Variants in PKD1L3 observed in about 807,000 individuals in gnomAD.
The protein encoded by PKD1L3 is polycystin-1-like protein 3.
Under a neutral mutation model 184.1 loss-of-function variants are expected in PKD1L3, and 239 were observed. The observed-to-expected ratio is 1.30, with a 90% CI of 1.17 to 1.45. The LOEUF (loss-of-function observed/expected upper bound fraction) is 1.45. Ranked by LOEUF, PKD1L3 falls within the 40% of genes most tolerant of loss-of-function variation. PKD1L3 has a pLI of 0.00. For synonymous variants in PKD1L3, 996 were observed against 778.8 expected (o/e 1.28, Z -4.64); for missense variants, 2,660 against 2,067.2 (o/e 1.29, Z -5.56).
At chr16:71,936,237 C>T (rs1381392504) in intron 25 of PKD1L3, among the ~76,000 whole-genome samples, 8 of 146,984 alleles carry the variant, frequency 5.4e-5, no homozygotes, top group Non-Finnish European at 1.2e-4. Context: ...CAGAGTTTCA[C>T]TCTTGTCACC....
Position 71,998,324 on chromosome 16 carries a change from G to C in PKD1L3, c.366C>G (p.Ile122Met), listed in dbSNP as rs999279996. Residue 122 changes from isoleucine (I) to methionine (M), a missense_variant, in exon 2 of 30, where the codon ATC becomes ATG. Physicochemically the swap from Ile to Met is conservative, Grantham distance 10. Coordinates refer to ENST00000620267, the MANE Select transcript of PKD1L3 (RefSeq NM_181536.2). ...CTYLSRNFIR[I>M]SSKGDKCLLK... is the part of the protein sequence containing the mutation. ...GTAAGCACTTGTCCCCTTTGGATGAGATCCGAATGAAGTTTCTGGACAGGT... is the reference window on the plus strand; with the variant it reads ...GTAAGCACTTGTCCCCTTTGGATGACATCCGAATGAAGTTTCTGGACAGGT... The C allele has an allele frequency of 1.2e-5, 19 of 1,552,016 alleles. No homozygotes were observed. The highest frequency in any genetic ancestry group is 1.7e-5 in the Non-Finnish European group (19 of 1,147,082).
At position 71,942,686 on chromosome 16, in the gene PKD1L3, G is replaced by C. The variant is rs771055589; in HGVS notation, c.4198C>G (p.Pro1400Ala). Residue 1400 changes from proline to alanine, a missense_variant, in exon 24 of 30, where the codon CCT (proline) becomes GCT (alanine). Transcript: ENST00000620267. ...CTGAACCTCCTTAGATGAAGTCCAGGGAATAGGCTCTTGGGACGCCCACAG... is the reference window on the plus strand; with the variant it reads ...CTGAACCTCCTTAGATGAAGTCCAGCGAATAGGCTCTTGGGACGCCCACAG... ...HTCGRPKSLFPGLHLRRFSYI... is the reference protein window; with the variant it reads ...HTCGRPKSLFAGLHLRRFSYI... The C allele has an allele frequency of 3.9e-6, 6 of 1,551,696 alleles. No homozygotes were observed. In the South Asian group the frequency reaches 7.1e-5, roughly 18 times the overall value.
intron 4 of PKD1L3, 87 bp from the exon 5 acceptor site, chr16:71,986,556 ACT>A: frequency 2.1e-6 from 3 of 1,398,920 alleles, no homozygotes; most frequent in Non-Finnish European, 1.9e-6. Context: ...ATACTCTGAA[ACT>A]CTGTCCTATG....
At chr16:71,937,995 G>A (rs1405790326) in intron 24 of PKD1L3, among the ~76,000 whole-genome samples, 2 of 152,200 alleles carry the variant, frequency 1.3e-5, no homozygotes, top group Non-Finnish European at 2.9e-5. Flanking sequence ...GGGGCTTTGT[G>A]CGCTGTTGAG....
rs557495521 is a variant in PKD1L3, at chr16:71,940,509, T to A, written c.4324+2051A>T. On this transcript the variant is annotated intron_variant, in intron 24 of 29. Coordinates refer to ENST00000620267, the MANE Select transcript of PKD1L3 (RefSeq NM_181536.2). Reference sequence around the variant, plus strand: ...AGAGCTTTGTTTTTTATTTTTTTTTTATTTTTTTGAGATGGAGTCTCACTC... The same window carrying A: ...AGAGCTTTGTTTTTTATTTTTTTTTAATTTTTTTGAGATGGAGTCTCACTC... Among the ~76,000 whole-genome samples, 7 of 152,168 alleles carry A rather than the reference T, an allele frequency of 4.6e-5. No individual in the cohort carries two copies. In the South Asian group the frequency reaches 6.2e-4, roughly 14 times the overall value.
chr16:71,977,122 A>T, intron 11 of PKD1L3, 114 bp downstream of exon 11: 1 of 778,020 alleles, frequency 1.3e-6, no homozygotes, highest in South Asian at 1.7e-5. Context: ...CTAAGGCAGG[A>T]GGATCCCCTG....
chr16:71,966,591 GATTTTTTTTGAA>G (rs771477443), intron 15 of PKD1L3, among the ~76,000 whole-genome samples: 4 of 151,804 alleles, frequency 2.6e-5, no homozygotes, highest in Non-Finnish European at 5.9e-5. Context: ...CATGCCTGGC[GATTTTTTTTGAA>G]ATTTTTTTTG....
At chr16:71,961,672 A>G (rs1476475712) in intron 16 of PKD1L3, among the ~76,000 whole-genome samples, 1 of 152,148 alleles carries the variant, frequency 6.6e-6, no homozygotes, top group Non-Finnish European at 1.5e-5. Context: ...AGAGGAGCTT[A>G]CAGATGAGTA....
At chr16:71,966,132 T>C (rs1364820581) in intron 15 of PKD1L3, among the ~76,000 whole-genome samples, 6 of 152,078 alleles carry the variant, frequency 3.9e-5, no homozygotes, top group Admixed American at 3.9e-4. Context: ...GACCATATGC[T>C]CTTTGTGGGT....
chr16:71,930,299 C>A, intron 28 of PKD1L3, 116 bp from the exon 29 acceptor site: 1 of 1,068,036 alleles, frequency 9.4e-7, no homozygotes, highest in Non-Finnish European at 1.3e-6. Flanking sequence ...CCGAAGGAAA[C>A]TTAGGGAGAG....
rs112619934 is a variant in PKD1L3 at position 71,988,755 on chromosome 16, A to G, written c.585+1525T>C. Reference sequence around the variant, plus strand: ...AAAGCACACACATTTATTGAGTCCAAGTTTTATGTGGCACAGGAGCCCTCA... The same window carrying G: ...AAAGCACACACATTTATTGAGTCCAGGTTTTATGTGGCACAGGAGCCCTCA... On this transcript the variant is annotated intron_variant, in intron 4 of 29. Transcript: ENST00000620267. Among the ~76,000 whole-genome samples, 127 of 152,338 alleles carry G rather than the reference A, an allele frequency of 8.3e-4. 1 individual carries two copies. Among genetic ancestry groups the G allele is most frequent in the African/African-American group, 2.8e-3 (117 of 41,578 alleles).
At chr16:71,973,196 C>G in intron 12 of PKD1L3, 128 bp downstream of exon 12, 3 of 1,174,286 alleles carry the variant, frequency 2.6e-6, no homozygotes, top group South Asian at 3.1e-5. Context: ...TCCTTTTGCC[C>G]AGGCAGAGTT....
At position 71,979,838 on chromosome 16, in the gene PKD1L3, G is replaced by A. The variant is rs896782736; in HGVS notation, c.1346C>T (p.Ser449Leu). The change falls in exon 9 of 30, where the codon TCG (serine) becomes TTG (leucine). Residue 449 changes from serine to leucine, a missense_variant. Physicochemically the swap from Ser to Leu is moderately radical, Grantham distance 145 (BLOSUM62 -2). Transcript: ENST00000620267. ...HPAPVRLGFP[S>L]ALALKELLNK... Reference sequence around the variant, plus strand: ...CAAGAGCTCCTTCAAAGCTAAAGCCGACGGAAAGCCTAGCCTCACAGGGGC... The same window carrying A: ...CAAGAGCTCCTTCAAAGCTAAAGCCAACGGAAAGCCTAGCCTCACAGGGGC... 38 of 1,518,340 alleles carry A rather than the reference G, an allele frequency of 2.5e-5. No individual in the cohort carries two copies. The highest frequency in any genetic ancestry group is 3.9e-5 in the South Asian group (3 of 77,750). 94.1% of individuals were successfully genotyped at this position (1,518,340 alleles called of 1,614,324 possible).
chr16:71,988,313 C>T (rs145082726), intron 4 of PKD1L3, among the ~76,000 whole-genome samples: 1 of 152,142 alleles, frequency 6.6e-6, no homozygotes, highest in Non-Finnish European at 1.5e-5. Context: ...TTCTGCCTCA[C>T]CCTCCCCAGT....
intron 26 of PKD1L3, 90 bp from the exon 27 acceptor site, chr16:71,934,215 CCT>C: frequency 1.6e-6 from 2 of 1,225,454 alleles, no homozygotes; most frequent in Non-Finnish European, 2.3e-6. Flanking sequence ...TCGTGGCAGC[CCT>C]GAGTCCTGTG....
chr16:71,968,040 G>A, intron 13 of PKD1L3, 33 bp from the exon 14 acceptor site: 2 of 1,499,184 alleles, frequency 1.3e-6, no homozygotes, highest in Non-Finnish European at 1.8e-6. Flanking sequence ...CAACTTACTA[G>A]GCCTCCACTT....
chr16:71,986,191 C>G, intron 5 of PKD1L3, 30 bp downstream of exon 5: 2 of 1,549,010 alleles, frequency 1.3e-6, no homozygotes, highest in South Asian at 1.2e-5. Context: ...GGTCACAAAG[C>G]TACCTGTGAC....
chr16:71,995,513 T>C (rs1394079389), intron 2 of PKD1L3, among the ~76,000 whole-genome samples: 1 of 152,206 alleles, frequency 6.6e-6, no homozygotes, highest in Non-Finnish European at 1.5e-5. Context: ...TATACGTACG[T>C]GTATGTATAC....
chr16:71,999,235 C>T (rs2040890507), intron 1 of PKD1L3, among the ~76,000 whole-genome samples: 1 of 146,870 alleles, frequency 6.8e-6, no homozygotes, highest in Non-Finnish European at 1.5e-5. Flanking sequence ...GGCACCACTG[C>T]ACTCCAGCCT....
Sources: allele counts gnomAD v4.1 joint callset (sites outside exome capture counted in the v4.1 genomes callset), GRCh38; gene constraint gnomAD v4.1.1; transcripts MANE v1.5; gene names NCBI Gene and HGNC (gene_info 2026-07-23, HGNC 2026-07-21).